BATF3: variants seen among roughly 807,000 people sequenced by gnomAD.
The protein encoded by BATF3 is basic leucine zipper ATF-like transcription factor 3, also known as basic leucine zipper transcriptional factor ATF-like 3.
A neutral mutation model predicts 16.1 loss-of-function variants in BATF3; 8 were observed. That is an observed-to-expected ratio of 0.50 (90% CI 0.29 to 0.90). BATF3 has a LOEUF of 0.90. BATF3 is among the 40% of genes least tolerant of loss of function. The pLI, the probability that BATF3 is intolerant of heterozygous loss-of-function variation, is 0.08. For synonymous variants in BATF3, 74 were observed against 72.7 expected (o/e 1.02, Z -0.09); for missense variants, 139 against 167.0 (o/e 0.83, Z 0.92).
rs1467282885 is a variant in BATF3 at position 212,686,767 on chromosome 1, C to G, written c.*24G>C. ...GTATGAAAATGACCAAGGCTCCTTG[C>G]TGGGCAGAGGAGTGTCCCCGGCTTC... is the stretch of plus-strand genomic sequence containing the variant. On this transcript the variant is annotated 3_prime_UTR_variant, in exon 3 of 3. Transcript: ENST00000243440. 1.3e-6 allele frequency: 2 copies of G among 1,598,188 alleles called. No homozygotes were observed. The highest frequency in any genetic ancestry group is 1.7e-5 in the Admixed American group (1 of 59,512).
rs2102404830 is a variant in BATF3, at chr1:212,699,101, T to C, written c.90+572A>G. ...CAGACGGCCGTCCCTGTGGCCAACC[T>C]GGTCTCCTTCCTGACTGCGCCGCTG... On this transcript the variant is annotated intron_variant, in intron 1 of 2. Coordinates refer to ENST00000243440, the MANE Select transcript of BATF3 (RefSeq NM_018664.3). This position sits in a 1 kb window ranked among gnomAD's most constrained non-coding sequence, Gnocchi z 4.4. Among the ~76,000 whole-genome samples the C allele has an allele frequency of 6.6e-6, 1 of 152,338 alleles. No individual in the cohort carries two copies. Among genetic ancestry groups the C allele is most frequent in the South Asian group, 2.1e-4 (1 of 4,830 alleles).
intron 2 of BATF3, among the ~76,000 whole-genome samples, chr1:212,694,072 G>A (rs958620167): frequency 2.6e-5 from 4 of 152,290 alleles, no homozygotes; most frequent in South Asian, 4.1e-4. Context: ...ATGTGACAAC[G>A]GAAACAGCAC....
intron 2 of BATF3, chr1:212,687,332 T>C (rs1410889685): frequency 3.9e-6 from 1 of 258,020 alleles, no homozygotes; most frequent in East Asian, 8.1e-5. Context: ...CTGATGTGCT[T>C]TCCGAAGATC....
chr1:212,697,525 C>T (rs1657161007), intron 1 of BATF3: 1 of 156,942 alleles, frequency 6.4e-6, no homozygotes, highest in Non-Finnish European at 1.4e-5. Context: ...GTTTGCCAGT[C>T]CTTATACCAC....
chr1:212,692,264 G>C (rs900973758), intron 2 of BATF3, among the ~76,000 whole-genome samples: 9 of 152,206 alleles, frequency 5.9e-5, no homozygotes, highest in African/African-American at 2.2e-4. Flanking sequence ...AGAGGCTCAA[G>C]TACTCACTTC....
At chr1:212,697,265 T>A (rs1183683836) in intron 1 of BATF3, 200 bp from the exon 2 acceptor site, 2 of 528,066 alleles carry the variant, frequency 3.8e-6, no homozygotes, top group African/African-American at 3.9e-5. Flanking sequence ...GTGTGTGGTG[T>A]GACCGCCGTT....
intron 2 of BATF3, among the ~76,000 whole-genome samples, chr1:212,693,777 G>A (rs1330749507): frequency 1.3e-5 from 2 of 152,200 alleles, no homozygotes; most frequent in African/African-American, 2.4e-5. Context: ...CAGAAAGTGC[G>A]AGAGAGCCAA....
chr1:212,697,954 C>A (rs1363719941), intron 1 of BATF3: 1 of 152,202 alleles, frequency 6.6e-6, no homozygotes, highest in African/African-American at 2.4e-5. Context: ...AGGAAAACTA[C>A]TCAGTTATTA....
chr1:212,693,484 G>C (rs576133501), intron 2 of BATF3, among the ~76,000 whole-genome samples: 2 of 152,332 alleles, frequency 1.3e-5, no homozygotes, highest in East Asian at 3.9e-4. Flanking sequence ...TGATCTGCCA[G>C]TGGAGAGTAA....
chr1:212,694,276 C>T (rs1657074401), intron 2 of BATF3, among the ~76,000 whole-genome samples: 1 of 152,156 alleles, frequency 6.6e-6, no homozygotes, highest in Non-Finnish European at 1.5e-5. Flanking sequence ...GTGTGACTGC[C>T]AAAGCTGGAA....
Position 212,686,997 on chromosome 1 carries a change from G to A in BATF3, c.196-18C>T. ...TCATATTCCTGGGGGAGACAGAATG[G>A]GCAAAATCATTTCTGGTGCAGCGTT... is the stretch of plus-strand genomic sequence containing the variant. On this transcript the variant is annotated intron_variant, in intron 2 of 2. Transcript: ENST00000243440. 6.7e-7 allele frequency: 1 copy of A among 1,496,376 alleles called. No individual in the cohort carries two copies. 92.7% of individuals were successfully genotyped at this position (1,496,376 alleles called of 1,614,324 possible).
intron 2 of BATF3, among the ~76,000 whole-genome samples, chr1:212,687,996 A>AAAGAAAGAAAGAAAGG (rs1274002817): frequency 5.9e-5 from 6 of 101,244 alleles, no homozygotes; most frequent in Admixed American, 2.1e-4. Context: ...AGAAAGAAAG[A>AAAGAAAGAAAGAAAGG]AAGGAAGGAA....
chr1:212,690,941 T>C (rs1656985318), intron 2 of BATF3, among the ~76,000 whole-genome samples: 1 of 152,192 alleles, frequency 6.6e-6, no homozygotes, highest in Non-Finnish European at 1.5e-5. Context: ...TGGAGACAGT[T>C]TGGGTTATCG....
rs548327906 is a variant in BATF3, at chr1:212,689,637, G to A, written c.196-2658C>T. Among the ~76,000 whole-genome samples the A allele has an allele frequency of 2.2e-4, 34 of 152,214 alleles. No individual in the cohort carries two copies. The highest frequency in any genetic ancestry group is 3.9e-4 in the Admixed American group (6 of 15,298). On this transcript the variant is annotated intron_variant, in intron 2 of 2. Transcript: ENST00000243440. This position sits in a 1 kb window ranked among gnomAD's most constrained non-coding sequence, Gnocchi z 4.6. ...GGGAGGATGGGATGGAAGCCAGGGC[G>A]TCAAGGGAATCATGCAGGCAGCAGA...
intron 2 of BATF3, among the ~76,000 whole-genome samples, chr1:212,687,959 A>G (rs1053483344): frequency 1.7e-5 from 2 of 116,322 alleles, no homozygotes; most frequent in Admixed American, 1.9e-4. Context: ...GAAAGAGAGA[A>G]AGAAAAAAAA....
intron 2 of BATF3, among the ~76,000 whole-genome samples, chr1:212,690,443 C>T (rs1656975461): frequency 2.0e-5 from 3 of 152,206 alleles, no homozygotes; most frequent in African/African-American, 7.2e-5. Flanking sequence ...TTAAGCATTA[C>T]TCATAAACCC....
chr1:212,692,868 A>G (rs1657034005), intron 2 of BATF3, among the ~76,000 whole-genome samples: 1 of 152,268 alleles, frequency 6.6e-6, no homozygotes, highest in South Asian at 2.1e-4. Flanking sequence ...ATAGAGGAAC[A>G]CATGAAGAAA....
At chr1:212,697,145 G>T in intron 1 of BATF3, 80 bp from the exon 2 acceptor site, 2 of 1,124,050 alleles carry the variant, frequency 1.8e-6, no homozygotes, top group Non-Finnish European at 2.7e-6. Context: ...ACTCAGCGTT[G>T]TTCACTGAGC....
In BATF3 at chr1:212,689,630, C is replaced by T. The variant is rs1198855387; in HGVS notation, c.196-2651G>A. Among the ~76,000 whole-genome samples the T allele has an allele frequency of 6.6e-6, 1 of 152,110 alleles. No homozygotes were observed. The highest frequency in any genetic ancestry group is 2.4e-5 in the African/African-American group (1 of 41,424). ...TCTGGATGGGAGGATGGGATGGAAG[C>T]CAGGGCGTCAAGGGAATCATGCAGG... On this transcript the variant is annotated intron_variant, in intron 2 of 2. Coordinates refer to ENST00000243440, the MANE Select transcript of BATF3 (RefSeq NM_018664.3). This position sits in a 1 kb window ranked among gnomAD's most constrained non-coding sequence, Gnocchi z 4.6.
Sources: allele counts gnomAD v4.1 joint callset (sites outside exome capture counted in the v4.1 genomes callset), GRCh38; gene constraint gnomAD v4.1.1; non-coding constraint Gnocchi (gnomAD v3.1); transcripts MANE v1.5; gene names NCBI Gene and HGNC (gene_info 2026-07-23, HGNC 2026-07-21).